EPG5: variants seen among roughly 807,000 people sequenced by gnomAD.
The protein encoded by EPG5 is ectopic P granules protein 5 homolog.
EPG5 carries 159 observed loss-of-function variants against 302.7 expected under a neutral mutation model. The observed-to-expected ratio is 0.53, with a 90% CI of 0.46 to 0.60. The LOEUF (loss-of-function observed/expected upper bound fraction) is 0.60, where lower values mean the gene tolerates loss of function less well. EPG5 is among the 20% of genes least tolerant of loss of function. The probability of loss-of-function intolerance (pLI) is 0.00; values close to 1 mark genes in which losing one functional copy is unlikely to be tolerated. For synonymous variants in EPG5, 1,158 were observed against 1,136.8 expected, an observed-to-expected ratio of 1.02 and a Z score of -0.37; for missense variants, 2,896 against 3,092.4, an observed-to-expected ratio of 0.94 and a Z score of 1.51.
At chr18:45,890,386 T>C (rs757408703) in intron 27 of EPG5, among the ~76,000 whole-genome samples, 33 of 151,668 alleles carry the variant, frequency 2.2e-4, no homozygotes, top group Non-Finnish European at 4.3e-4. Flanking sequence ...AGGAAGAAAA[T>C]ATATATAATC....
intron 23 of EPG5, among the ~76,000 whole-genome samples, chr18:45,909,784 C>T (rs142655927): frequency 1.3e-5 from 2 of 152,284 alleles, no homozygotes; most frequent in Non-Finnish European, 2.9e-5. Flanking sequence ...CTGCCCTGGT[C>T]ATTTGTTTCT....
rs2048383440 is a variant in EPG5, at chr18:45,848,346, G to A, written c.*4121C>T. 1 of 152,216 alleles carries A rather than the reference G, an allele frequency of 6.6e-6. No homozygotes were observed. The highest frequency in any genetic ancestry group is 1.9e-4 in the East Asian group (1 of 5,198). 9.4% of individuals were successfully genotyped at this position (152,216 alleles called of 1,614,324 possible). A position where few individuals can be genotyped will look rare whatever the true frequency, so the allele number is the denominator to read the frequency against. ...GCAGTAGTAGAGGATTAAGGGCAAA[G>A]TGCCTTGTTGTTAGGCCTGTCATGA... On this transcript the variant is annotated 3_prime_UTR_variant, in exon 44 of 44. Coordinates refer to ENST00000282041, the MANE Select transcript of EPG5 (RefSeq NM_020964.3).
chr18:45,966,148 G>A (rs540102201), intron 1 of EPG5, among the ~76,000 whole-genome samples: 1 of 151,580 alleles, frequency 6.6e-6, no homozygotes, highest in East Asian at 2.0e-4. Flanking sequence ...CGAGGCGGGC[G>A]GATCACGAGG....
chr18:45,876,324 G>A lies in EPG5; in HGVS notation c.5961C>T (p.Tyr1987=). The change falls in exon 35 of 44, where the codon TAC becomes TAT. Residue 1987 remains tyrosine (Y), a synonymous_variant. Coordinates refer to ENST00000282041, the MANE Select transcript of EPG5 (RefSeq NM_020964.3). The part of the protein sequence containing the change: ...EDNESSQQRH[Y]PWLESDTVVA... ...CCACAGTATCACTCTCTAGCCAGGG[G>A]TAATGCCGCTGTTGGCTGCTTTAAA... 2 of 1,613,978 alleles carry A rather than the reference G, an allele frequency of 1.2e-6. No homozygotes were observed. Among genetic ancestry groups the A allele is most frequent in the Admixed American group, 1.7e-5 (1 of 60,024 alleles).
intron 41 of EPG5, among the ~76,000 whole-genome samples, chr18:45,858,292 A>G (rs1238996285): frequency 6.6e-6 from 1 of 152,160 alleles, no homozygotes; most frequent in Non-Finnish European, 1.5e-5. Flanking sequence ...CTTCATCCTC[A>G]TGACAGCCCT....
chr18:45,917,611 A>C, intron 17 of EPG5, 68 bp downstream of exon 17: 1 of 1,568,586 alleles, frequency 6.4e-7, no homozygotes, highest in Non-Finnish European at 8.7e-7. Context: ...AAGAAACCAG[A>C]AGACACAATC....
At chr18:45,839,973 G>C in the EPG5 span, among the ~76,000 whole-genome samples, 74 of 152,122 alleles carry the variant, frequency 4.9e-4, no homozygotes, top group African/African-American at 1.7e-3. Context: ...CAAGTGTTTT[G>C]TGCTCAGGGT....
the EPG5 span, among the ~76,000 whole-genome samples, chr18:45,836,555 C>G: frequency 6.6e-6 from 1 of 152,214 alleles, no homozygotes; most frequent in African/African-American, 2.4e-5. Context: ...CCTCTGTGAG[C>G]TGGAGGCAGA....
rs1238952213 is a variant in EPG5, at chr18:45,848,316, A to C, written c.*4151T>G. The C allele has an allele frequency of 6.6e-6, 1 of 152,246 alleles. No individual in the cohort carries two copies. The highest frequency in any genetic ancestry group is 2.4e-5 in the African/African-American group (1 of 41,470). 9.4% of individuals were successfully genotyped at this position (152,246 alleles called of 1,614,324 possible). A position where few individuals can be genotyped will look rare whatever the true frequency, so the allele number is the denominator to read the frequency against. On this transcript the variant is annotated 3_prime_UTR_variant, in exon 44 of 44. Transcript: ENST00000282041. ...GCTGTACAGTTGGCCCAAAATGAAGAGCAGGCAGTAGTAGAGGATTAAGGG... is the reference window on the plus strand; with the variant it reads ...GCTGTACAGTTGGCCCAAAATGAAGCGCAGGCAGTAGTAGAGGATTAAGGG...
the EPG5 span, among the ~76,000 whole-genome samples, chr18:45,806,735 A>G: frequency 6.6e-6 from 1 of 152,228 alleles, no homozygotes; most frequent in Non-Finnish European, 1.5e-5. Flanking sequence ...TGGGTCCCCT[A>G]GCAAACCATT....
Position 45,879,128 on chromosome 18 carries a change from T to G in EPG5, c.5754A>C (p.Ser1918=), listed in dbSNP as rs1031904479. 65 of 1,614,042 alleles carry G rather than the reference T, an allele frequency of 4.0e-5. No homozygotes were observed. The highest frequency in any genetic ancestry group is 5.4e-5 in the Non-Finnish European group (64 of 1,180,012). The change falls in exon 33 of 44, where the codon TCA becomes TCC. Residue 1918 remains serine, a synonymous_variant. Transcript: ENST00000282041. ...KMDFKSFGLF[S]KWSPYMADVK... is the part of the protein sequence containing the mutation. Reference sequence around the variant, plus strand: ...CATCAGCCATATAAGGACTCCATTTTGAGAATAAACCAAAGCTTTTAAAGT... The same window carrying G: ...CATCAGCCATATAAGGACTCCATTTGGAGAATAAACCAAAGCTTTTAAAGT...
In EPG5 at chr18:45,948,411, GTTC is replaced by G. The variant is rs1429273786; in HGVS notation, c.1571+89_1571+91del. 9.1e-6 allele frequency: 9 copies of G among 989,762 alleles called. No individual in the cohort carries two copies. The African/African-American group carries it at 9.7e-5, about 11-fold the overall frequency. The allele number at this position is 989,762 out of a possible 1,614,324, so 61.3% of individuals were successfully genotyped here. ...TAGAATGCCAACACTTCCCTTAGCT[GTTC>G]TTCTTTGGATCTAGGCAGTTTCAGG... On this transcript the variant is annotated intron_variant, in intron 6 of 43. Transcript: ENST00000282041.
chr18:45,950,420 G>A lies in EPG5; in HGVS notation c.1389+682C>T, dbSNP rs564427840. On this transcript the variant is annotated intron_variant, in intron 4 of 43. Transcript: ENST00000282041. ...TCTCATGATAGTGAATAAGTCTCAC[G>A]AGATCTGATGGGTTTATCAGGGGTT... Among the ~76,000 whole-genome samples the A allele has an allele frequency of 6.6e-5, 10 of 152,236 alleles. No individual in the cohort carries two copies. In the South Asian group the frequency reaches 1.7e-3, roughly 25 times the overall value.
chr18:45,836,049 G>A, the EPG5 span, among the ~76,000 whole-genome samples: 1 of 152,204 alleles, frequency 6.6e-6, no homozygotes, highest in Non-Finnish European at 1.5e-5. Flanking sequence ...CAGAAGGAAT[G>A]TCCCGACCTG....
At chr18:45,842,058 G>T in the EPG5 span, 1 of 1,577,958 alleles carries the variant, frequency 6.3e-7, no homozygotes, top group African/African-American at 1.3e-5. Context: ...GGGCAGTTGT[G>T]GACCTCCCAC....
At chr18:45,909,109 T>C (rs1013425957) in intron 23 of EPG5, among the ~76,000 whole-genome samples, 5 of 152,118 alleles carry the variant, frequency 3.3e-5, no homozygotes, top group African/African-American at 1.2e-4. Context: ...TGGCCTGACT[T>C]TACTCAATAA....
the EPG5 span, chr18:45,825,831 G>T: frequency 6.3e-7 from 1 of 1,593,878 alleles, no homozygotes; most frequent in African/African-American, 1.3e-5. Flanking sequence ...AATAGATGCT[G>T]AAAGCATCTT....
rs991595108 is a variant in EPG5 at position 45,927,598 on chromosome 18, A to G, written c.2553+1271T>C. Among the ~76,000 whole-genome samples the G allele has an allele frequency of 8.4e-3, 979 of 117,108 alleles. 12 individuals carry two copies. The highest frequency in any genetic ancestry group is 0.024 in the African/African-American group (711 of 29,672). 76.8% of individuals were successfully genotyped at this position (117,108 alleles called of 152,430 possible). A position where few individuals can be genotyped will look rare whatever the true frequency, so the allele number is the denominator to read the frequency against. On this transcript the variant is annotated intron_variant, in intron 13 of 43. Coordinates refer to ENST00000282041, the MANE Select transcript of EPG5 (RefSeq NM_020964.3). ...AATGGATAAACAAAAAGTTATACAC[A>G]CACACACACACACACACACACACAC...
the EPG5 span, among the ~76,000 whole-genome samples, chr18:45,834,403 C>G: frequency 6.6e-6 from 1 of 152,200 alleles, no homozygotes; most frequent in Non-Finnish European, 1.5e-5. Context: ...AGGCAATGCT[C>G]ATATTGAGGA....
Sources: gnomAD v4.1 joint callset for allele counts (sites outside exome capture counted in the v4.1 genomes callset) on GRCh38, gnomAD v4.1.1 for gene constraint, MANE v1.5 for transcripts, NCBI Gene and HGNC (gene_info 2026-07-23, HGNC 2026-07-21) for gene names.